The following HTR2C variants were observed in gnomAD, a reference collection of about 807,000 sequenced individuals.
HTR2C encodes the protein 5-hydroxytryptamine receptor 2C.
Under a neutral mutation model 21.0 loss-of-function variants are expected in HTR2C, and 5 were observed. The observed-to-expected ratio is 0.24, with a 90% CI of 0.12 to 0.50. The LOEUF (loss-of-function observed/expected upper bound fraction) is 0.50, where lower values mean the gene tolerates loss of function less well. Ranked by LOEUF, HTR2C falls within the 20% of genes least tolerant of loss-of-function variation. The probability of loss-of-function intolerance (pLI) is 0.98; values close to 1 mark genes in which losing one functional copy is unlikely to be tolerated. For missense variants in HTR2C, 271 were observed against 371.2 expected, an observed-to-expected ratio of 0.73 and a Z score of 2.22; for synonymous variants, 150 against 145.3, an observed-to-expected ratio of 1.03 and a Z score of -0.23.
chrX:114,837,638 A>G (rs1203288874), intron 4 of HTR2C, among the ~76,000 whole-genome samples: 2 of 110,227 alleles, frequency 1.8e-5, no homozygotes, highest in Non-Finnish European at 3.8e-5. Context: ...AGACTATTAT[A>G]TTCTCTCAGT....
In HTR2C at chrX:114,823,154, G is replaced by C. The variant is rs111587887; in HGVS notation, c.350-24849G>C. On this transcript the variant is annotated intron_variant, in intron 4 of 5. Transcript: ENST00000276198. ...TAAATTGGAAGTGGAGCTGGGCAGT[G>C]TTTGTAACCCAGAAAATATCTTGGT... Among the ~76,000 whole-genome samples the C allele has an allele frequency of 9.6e-3, 1,071 of 111,788 alleles. 15 individuals carry two copies. Among genetic ancestry groups the C allele is most frequent in the African/African-American group, 0.033 (1,009 of 30,774 alleles).
intron 2 of HTR2C, among the ~76,000 whole-genome samples, chrX:114,674,843 A>G (rs1347500229): frequency 8.9e-6 from 1 of 111,801 alleles, no homozygotes; most frequent in Non-Finnish European, 1.9e-5. Flanking sequence ...TCTAAACTCT[A>G]TACTGTCTCC....
chrX:114,743,440 T>C (rs1249799506), intron 4 of HTR2C, among the ~76,000 whole-genome samples: 1 of 111,975 alleles, frequency 8.9e-6, no homozygotes, highest in East Asian at 2.8e-4. Context: ...TTATTAAAAA[T>C]TGAAAATTTT....
chrX:114,662,260 A>G (rs1931016937), intron 2 of HTR2C, among the ~76,000 whole-genome samples: 1 of 111,787 alleles, frequency 8.9e-6, no homozygotes, highest in Admixed American at 9.5e-5. Context: ...TAATTTTTTT[A>G]TAATGATATT....
intron 2 of HTR2C, among the ~76,000 whole-genome samples, chrX:114,684,178 A>T (rs1556413918): frequency 8.9e-6 from 1 of 112,039 alleles, no homozygotes; most frequent in African/African-American, 3.2e-5. Context: ...TAGTATTTTT[A>T]TATTTTTTCA....
At chrX:114,906,344 A>G (rs1033250856) in intron 5 of HTR2C, among the ~76,000 whole-genome samples, 8 of 111,446 alleles carry the variant, frequency 7.2e-5, no homozygotes, top group Non-Finnish European at 3.8e-5. Flanking sequence ...GTTAATATCA[A>G]TAAGGGTAAT....
At chrX:114,672,103 A>G (rs1931399959) in intron 2 of HTR2C, among the ~76,000 whole-genome samples, 1 of 112,233 alleles carries the variant, frequency 8.9e-6, no homozygotes, top group South Asian at 3.6e-4. Flanking sequence ...AGAATAGCAG[A>G]TCCTGAGCAT....
chrX:114,851,409 TAAG>T (rs1230827730), intron 5 of HTR2C, among the ~76,000 whole-genome samples: 1 of 112,185 alleles, frequency 8.9e-6, no homozygotes, highest in Non-Finnish European at 1.9e-5. Context: ...ATTTGGAAAT[TAAG>T]AAATTGTTTC....
intron 2 of HTR2C, among the ~76,000 whole-genome samples, chrX:114,651,894 T>C (rs185002876): frequency 8.9e-6 from 1 of 111,966 alleles, no homozygotes; most frequent in Admixed American, 9.5e-5. Flanking sequence ...ATTCTTTTAA[T>C]AGAACTATAA....
chrX:114,868,196 T>A (rs782420433), intron 5 of HTR2C, among the ~76,000 whole-genome samples: 2 of 111,328 alleles, frequency 1.8e-5, no homozygotes, highest in African/African-American at 6.5e-5. Flanking sequence ...CAGTGTTTTA[T>A]AGTTTTCATT....
At position 114,719,170 on chromosome X, in the gene HTR2C, TAA is replaced by T. The variant is rs1349884796; in HGVS notation, c.-79-7682_-79-7681del. The stretch of plus-strand genomic sequence containing the variant: ...CCGTCAATTATCTCACAAGTGATTT[TAA>T]AAAAATTTTACAAAACACAATCCTT... On this transcript the variant is annotated intron_variant, in intron 2 of 5. Coordinates refer to ENST00000276198, the MANE Select transcript of HTR2C (RefSeq NM_000868.4). Among the ~76,000 whole-genome samples the T allele has an allele frequency of 1.0e-4, 11 of 109,031 alleles. No homozygotes were observed. In the South Asian group the frequency reaches 4.1e-3, roughly 41 times the overall value. 94.7% of individuals were successfully genotyped at this position (109,031 alleles called of 115,157 possible).
At chrX:114,635,306 A>G (rs1156494000) in intron 2 of HTR2C, among the ~76,000 whole-genome samples, 1 of 112,210 alleles carries the variant, frequency 8.9e-6, no homozygotes, top group Non-Finnish European at 1.9e-5. Flanking sequence ...AAAAATTCAG[A>G]GAAGAGATAT....
intron 2 of HTR2C, among the ~76,000 whole-genome samples, chrX:114,662,999 T>C (rs1556410424): frequency 9.0e-6 from 1 of 111,361 alleles, no homozygotes; most frequent in African/African-American, 3.3e-5. Flanking sequence ...TGTATTTAGG[T>C]GTATTATTGT....
chrX:114,890,377 C>T (rs1216689834), intron 5 of HTR2C, among the ~76,000 whole-genome samples: 1 of 111,840 alleles, frequency 8.9e-6, no homozygotes, highest in South Asian at 3.7e-4. Context: ...TAAATAGCAT[C>T]TTTGTAAAAT....
At chrX:114,625,781 G>A (rs1274482498) in intron 2 of HTR2C, among the ~76,000 whole-genome samples, 1 of 111,352 alleles carries the variant, frequency 9.0e-6, no homozygotes, top group Non-Finnish European at 1.9e-5. Context: ...ATCTCAAAGT[G>A]TGTGTTGGAG....
Position 114,665,069 on chromosome X carries a change from C to A in HTR2C, c.-80+51188C>A, listed in dbSNP as rs782716634. ...AAATAGAACAAGCACTCCCACTGTG[C>A]AATGGCAGAACAGTGAGTTTCATAA... is the stretch of plus-strand genomic sequence containing the variant. On this transcript the variant is annotated intron_variant, in intron 2 of 5. Coordinates refer to ENST00000276198, the MANE Select transcript of HTR2C (RefSeq NM_000868.4). 6.3e-4 allele frequency among the ~76,000 whole-genome samples: 71 copies of A among 112,182 alleles called. 2 individuals carry two copies. In the South Asian group the frequency reaches 0.025, roughly 40 times the overall value.
At chrX:114,636,561 A>G (rs1929852770) in intron 2 of HTR2C, among the ~76,000 whole-genome samples, 1 of 112,226 alleles carries the variant, frequency 8.9e-6, no homozygotes, top group African/African-American at 3.2e-5. Context: ...TTCTTAATAT[A>G]TAGTATATGC....
chrX:114,773,284 C>T (rs2070024048), intron 4 of HTR2C, among the ~76,000 whole-genome samples: 1 of 111,227 alleles, frequency 9.0e-6, no homozygotes, highest in Admixed American at 9.6e-5. Context: ...TTTCCTCCCA[C>T]TCAAATCTCA....
chrX:114,880,941 A>C (rs2071176694), intron 5 of HTR2C, among the ~76,000 whole-genome samples: 1 of 111,056 alleles, frequency 9.0e-6, no homozygotes, highest in African/African-American at 3.2e-5. Context: ...TAACTAGAGA[A>C]TTTCTGGGTC....
Sources: gnomAD v4.1 joint callset for allele counts (sites outside exome capture counted in the v4.1 genomes callset) on GRCh38, gnomAD v4.1.1 for gene constraint, MANE v1.5 for transcripts, NCBI Gene and HGNC (gene_info 2026-07-23, HGNC 2026-07-21) for gene names.